SLC45A2: variants seen among roughly 807,000 people sequenced by gnomAD.
SLC45A2 encodes solute carrier family 45 member 2.
In SLC45A2, 36 loss-of-function variants were observed where a neutral mutation model predicts 45.5. The observed-to-expected ratio is 0.79, with a 90% CI of 0.61 to 1.04. SLC45A2 has a LOEUF of 1.04. Among genes scored for constraint, SLC45A2 ranks in the 50% least tolerant of loss-of-function variants. The probability of loss-of-function intolerance (pLI) is 0.00; values close to 1 mark genes in which losing one functional copy is unlikely to be tolerated. For missense variants in SLC45A2, 719 were observed against 671.0 expected, an observed-to-expected ratio of 1.07 and a Z score of -0.79; for synonymous variants, 306 against 269.3, an observed-to-expected ratio of 1.14 and a Z score of -1.33.
chr5:33,945,280 C>T (rs1017276285), intron 6 of SLC45A2, among the ~76,000 whole-genome samples: 10 of 152,038 alleles, frequency 6.6e-5, no homozygotes, highest in African/African-American at 2.2e-4. Context: ...AAACAAGTGG[C>T]GGGCCATAAT....
At chr5:33,982,697 G>A (rs1753115371) in intron 1 of SLC45A2, among the ~76,000 whole-genome samples, 1 of 152,012 alleles carries the variant, frequency 6.6e-6, no homozygotes, top group Admixed American at 6.6e-5. Flanking sequence ...TTATTTTGGG[G>A]GTGATGAAAA....
intron 2 of SLC45A2, among the ~76,000 whole-genome samples, chr5:33,967,592 T>G (rs1752635487): frequency 6.6e-6 from 1 of 152,202 alleles, no homozygotes; most frequent in Non-Finnish European, 1.5e-5. Context: ...TGACCCACAA[T>G]TCATAACTGA....
intron 3 of SLC45A2, 48 bp from the exon 4 acceptor site, chr5:33,954,552 A>T: frequency 2.5e-6 from 4 of 1,611,168 alleles, no homozygotes; most frequent in Non-Finnish European, 3.4e-6. Context: ...GCAGAAACTC[A>T]GCCAGCTAAG....
chr5:33,951,871 G>A (rs1031840282), intron 4 of SLC45A2, among the ~76,000 whole-genome samples, 194 bp from the exon 5 acceptor site: 3 of 152,100 alleles, frequency 2.0e-5, no homozygotes, highest in African/African-American at 7.2e-5. Flanking sequence ...GAAATCTAAT[G>A]CTTGCTGCAT....
intron 6 of SLC45A2, chr5:33,946,345 T>C (rs1354309712): frequency 2.0e-6 from 2 of 985,336 alleles, no homozygotes; most frequent in Non-Finnish European, 2.4e-6. Context: ...GCCAGAATTA[T>C]AGTCTGATGG....
At chr5:33,983,479 G>A (rs1003710152) in intron 1 of SLC45A2, among the ~76,000 whole-genome samples, 1 of 152,026 alleles carries the variant, frequency 6.6e-6, no homozygotes, top group African/African-American at 2.4e-5. Context: ...GTACATTTAC[G>A]CTTTCTTTCA....
chr5:33,954,319 A>T, intron 4 of SLC45A2, 42 bp downstream of exon 4: 3 of 1,613,582 alleles, frequency 1.9e-6, no homozygotes, highest in Non-Finnish European at 2.5e-6. Flanking sequence ...AATGGAGGAA[A>T]TGATGTGTAA....
chr5:33,970,952 G>A, intron 2 of SLC45A2: 1 of 461,362 alleles, frequency 2.2e-6, no homozygotes, highest in Non-Finnish European at 4.3e-6. Flanking sequence ...GGAGCTAAGG[G>A]AACAATTCAA....
At chr5:33,962,191 A>G (rs926410549) in intron 3 of SLC45A2, among the ~76,000 whole-genome samples, 2 of 152,172 alleles carry the variant, frequency 1.3e-5, no homozygotes, top group Non-Finnish European at 2.9e-5. Context: ...ATTATGAGTC[A>G]TGGTATAAAT....
At position 33,984,450 on chromosome 5, in the gene SLC45A2, C is replaced by T. The variant is rs1753184851; in HGVS notation, c.134G>A (p.Arg45Lys). The change falls in exon 1 of 7, where the codon AGA becomes AAA. Residue 45 changes from arginine to lysine, a missense_variant. Coordinates refer to ENST00000296589, the MANE Select transcript of SLC45A2 (RefSeq NM_016180.5). ...LIMHSMAMFG[R>K]EFCYAVEAAY... ...TGCCTCCACCGCGTAGCAGAACTCT[C>T]TTCCGAACATGGCCATGCTGTGCAT... 1.2e-6 allele frequency: 2 copies of T among 1,613,900 alleles called. No individual in the cohort carries two copies. Among genetic ancestry groups the T allele is most frequent in the Non-Finnish European group, 1.7e-6 (2 of 1,180,014 alleles).
intron 6 of SLC45A2, chr5:33,945,884 TTATTTAAAAA>T (rs1298018123): frequency 8.2e-6 from 7 of 852,392 alleles, no homozygotes; most frequent in Non-Finnish European, 9.9e-6. Flanking sequence ...TGCTTGGTTT[TTATTTAAAAA>T]TGCCGGAAAG....
In SLC45A2 at chr5:33,984,396, AC is replaced by A; in HGVS notation, c.187del (p.Val63Ter). 1 of 1,613,578 alleles carries A rather than the reference AC, an allele frequency of 6.2e-7. No individual in the cohort carries two copies. On this transcript the variant is annotated frameshift_variant, in exon 1 of 7. Coordinates refer to ENST00000296589, the MANE Select transcript of SLC45A2 (RefSeq NM_016180.5). LOFTEE classifies it high-confidence loss of function. ...GCTGTACAGGCTGCTGGGCAGACCT[AC>A]GCTGAGCAGGACTGGGGTCACATAC... is the stretch of plus-strand genomic sequence containing the variant. Reference protein sequence around the residue: ...AAYVTPVLLSVGLPSSLYSIV... With the variant: ...AAYVTPVLLSXGLPSSLYSIV...
At chr5:33,963,023 A>T (rs779871750) in intron 3 of SLC45A2, among the ~76,000 whole-genome samples, 1 of 152,248 alleles carries the variant, frequency 6.6e-6, no homozygotes, top group East Asian at 1.9e-4. Flanking sequence ...TAGAAGCCCT[A>T]TGGGGCCTTT....
At chr5:33,972,654 G>A (rs1316145477) in intron 2 of SLC45A2, 1 of 153,412 alleles carries the variant, frequency 6.5e-6, no homozygotes. Context: ...CTATATAAAA[G>A]ACATTGGCTT....
In SLC45A2 at chr5:33,944,874, T is replaced by TG. The variant is rs1257025057; in HGVS notation, c.1369-3dup. The stretch of plus-strand genomic sequence containing the variant: ...GTCCCCTCCTGGGGCCTGCTGCCTC[T>TG]GCAAAGGAAGCACAGAACCACCATT... On this transcript the variant is annotated splice_polypyrimidine_tract_variant and splice_region_variant and intron_variant, in intron 6 of 6. Transcript: ENST00000296589. The TG allele has an allele frequency of 6.2e-7, 1 of 1,609,830 alleles. No individual in the cohort carries two copies. Among genetic ancestry groups the TG allele is most frequent in the Non-Finnish European group, 8.5e-7 (1 of 1,178,060 alleles).
intron 2 of SLC45A2, among the ~76,000 whole-genome samples, chr5:33,967,614 G>C (rs1484102311): frequency 1.3e-5 from 2 of 152,162 alleles, no homozygotes; most frequent in Non-Finnish European, 2.9e-5. Context: ...AAAGCACAGT[G>C]ATTTGCAGTC....
chr5:33,963,538 C>G, intron 3 of SLC45A2, 153 bp downstream of exon 3: 1 of 831,158 alleles, frequency 1.2e-6, no homozygotes, highest in Non-Finnish European at 1.9e-6. Flanking sequence ...AATTTTAATT[C>G]CAAGGGATGA....
Position 33,984,433 on chromosome 5 carries a change from C to A in SLC45A2, c.151G>T (p.Val51Leu). 1 of 1,613,748 alleles carries A rather than the reference C, an allele frequency of 6.2e-7. No individual in the cohort carries two copies. The highest frequency in any genetic ancestry group is 8.5e-7 in the Non-Finnish European group (1 of 1,179,880). Residue 51 changes from valine to leucine, a missense_variant, in exon 1 of 7, where the codon GTG (valine) becomes TTG (leucine). Coordinates refer to ENST00000296589, the MANE Select transcript of SLC45A2 (RefSeq NM_016180.5). ...AMFGREFCYA[V>L]EAAYVTPVLL... The stretch of plus-strand genomic sequence containing the variant: ...ACTGGGGTCACATACGCTGCCTCCA[C>A]CGCGTAGCAGAACTCTCTTCCGAAC...
intron 2 of SLC45A2, among the ~76,000 whole-genome samples, chr5:33,974,406 T>G (rs138603900): frequency 3.5e-4 from 53 of 152,188 alleles, no homozygotes; most frequent in African/African-American, 1.2e-3. Context: ...TGGATGCTTA[T>G]TTATGAAGCA....
Sources: gnomAD v4.1 joint callset for allele counts (sites outside exome capture counted in the v4.1 genomes callset) on GRCh38, gnomAD v4.1.1 for gene constraint, MANE v1.5 for transcripts, NCBI Gene and HGNC (gene_info 2026-07-23, HGNC 2026-07-21) for gene names.